Variants in NR6A1 observed in about 807,000 individuals in gnomAD.
NR6A1 encodes the protein nuclear receptor subfamily 6 group A member 1.
NR6A1 carries 7 observed loss-of-function variants against 59.1 expected under a neutral mutation model. The ratio of observed to expected loss-of-function variants is 0.12; its 90% confidence interval spans 0.07 to 0.22. The LOEUF (loss-of-function observed/expected upper bound fraction) is 0.22, where lower values mean the gene tolerates loss of function less well. Among genes scored for constraint, NR6A1 ranks in the 10% least tolerant of loss-of-function variants. The pLI is 1.00. For missense variants in NR6A1, 468 were observed against 611.6 expected (o/e 0.77, Z 2.48); for synonymous variants, 243 against 236.1 (o/e 1.03, Z -0.27).
intron 2 of NR6A1, among the ~76,000 whole-genome samples, chr9:124,557,609 C>T (rs571860472): frequency 6.6e-6 from 1 of 152,232 alleles, no homozygotes; most frequent in East Asian, 1.9e-4. Context: ...AAGGTAAACA[C>T]TACAGAAAAG....
intron 2 of NR6A1, chr9:124,693,921 C>G (rs1441487381): frequency 2.8e-6 from 1 of 357,038 alleles, no homozygotes; most frequent in East Asian, 8.1e-5. Flanking sequence ...TTGGTTCTAA[C>G]ATGGAGTAAG....
intron 2 of NR6A1, among the ~76,000 whole-genome samples, chr9:124,668,671 A>C (rs892776517): frequency 6.6e-6 from 1 of 152,230 alleles, no homozygotes; most frequent in Non-Finnish European, 1.5e-5. Context: ...CATATTTTCA[A>C]GTCATTAAAA....
At chr9:124,712,472 G>A (rs1355588897) in intron 2 of NR6A1, among the ~76,000 whole-genome samples, 1 of 151,996 alleles carries the variant, frequency 6.6e-6, no homozygotes, top group Non-Finnish European at 1.5e-5. Flanking sequence ...AGCCAGGTAG[G>A]TGACACACGC....
chr9:124,557,809 C>A (rs1319380960), intron 2 of NR6A1, among the ~76,000 whole-genome samples: 3 of 152,148 alleles, frequency 2.0e-5, no homozygotes, highest in Non-Finnish European at 4.4e-5. Flanking sequence ...AATTTTAAAA[C>A]CTTCAGTGTT....
rs71372980 is a variant in NR6A1 at position 124,630,670 on chromosome 9, CTTT to C, written c.143-76103_143-76101del. Among the ~76,000 whole-genome samples the C allele has an allele frequency of 7.1e-4, 42 of 59,514 alleles. No homozygotes were observed. In the South Asian group the frequency reaches 0.027, roughly 38 times the overall value. 39.0% of individuals were successfully genotyped at this position (59,514 alleles called of 152,430 possible). A position where few individuals can be genotyped will look rare whatever the true frequency, so the allele number is the denominator to read the frequency against. ...GACCCCTGGGCAAGTTACTACATTT[CTTT>C]TTTTTTTTTTTTTTTTTTTTTTGAG... On this transcript the variant is annotated intron_variant, in intron 2 of 9. Coordinates refer to ENST00000487099, the MANE Select transcript of NR6A1 (RefSeq NM_033334.4).
chr9:124,677,887 T>G (rs1372060581), intron 2 of NR6A1, among the ~76,000 whole-genome samples: 1 of 152,162 alleles, frequency 6.6e-6, no homozygotes, highest in Non-Finnish European at 1.5e-5. Context: ...CTATGTAACA[T>G]GCAAAAGACC....
chr9:124,642,064 G>C (rs992549629), intron 2 of NR6A1, among the ~76,000 whole-genome samples: 4 of 149,244 alleles, frequency 2.7e-5, no homozygotes, highest in African/African-American at 9.9e-5. Flanking sequence ...TTTTTCTTTT[G>C]AGACAGTCAA....
rs181163600 is a variant in NR6A1 at position 124,577,769 on chromosome 9, T to C, written c.143-23199A>G. 4.6e-5 allele frequency among the ~76,000 whole-genome samples: 7 copies of C among 152,272 alleles called. No homozygotes were observed. In the East Asian group the frequency reaches 7.7e-4, roughly 17 times the overall value. ...GTAAATTGATGGCTCATTGCAGAAA[T>C]TGGGAAAACTGGTGATCATCATCAG... On this transcript the variant is annotated intron_variant, in intron 2 of 9. Transcript: ENST00000487099.
At chr9:124,718,527 C>A (rs1839469476) in intron 2 of NR6A1, among the ~76,000 whole-genome samples, 1 of 152,154 alleles carries the variant, frequency 6.6e-6, no homozygotes, top group African/African-American at 2.4e-5. Flanking sequence ...AACCTATTGG[C>A]TCAATTTGGC....
chr9:124,642,310 A>G (rs1836789563), intron 2 of NR6A1, among the ~76,000 whole-genome samples: 1 of 152,202 alleles, frequency 6.6e-6, no homozygotes, highest in Admixed American at 6.5e-5. Flanking sequence ...TTGGCCTCCC[A>G]AAGTGCTGGG....
At chr9:124,769,632 C>A (rs1389923149) in intron 1 of NR6A1, among the ~76,000 whole-genome samples, 4 of 152,196 alleles carry the variant, frequency 2.6e-5, no homozygotes, top group African/African-American at 9.6e-5. Flanking sequence ...AGACACTGTT[C>A]GGTCCTAGAT....
rs565354217 is a variant in NR6A1 at position 124,718,380 on chromosome 9, C to T, written c.142+14928G>A. Among the ~76,000 whole-genome samples the T allele has an allele frequency of 1.1e-3, 175 of 152,332 alleles. 1 individual carries two copies. Among genetic ancestry groups the T allele is most frequent in the African/African-American group, 3.8e-3 (159 of 41,568 alleles). The stretch of plus-strand genomic sequence containing the variant: ...GGTTGCAAGTAGAAGCCTGAAAATG[C>T]TGTAGAAGTCTTTTACTTTATTCTC... On this transcript the variant is annotated intron_variant, in intron 2 of 9. Transcript: ENST00000487099.
At chr9:124,733,208 TAA>T in intron 2 of NR6A1, 98 bp downstream of exon 2, 1 of 844,584 alleles carries the variant, frequency 1.2e-6, no homozygotes, top group Non-Finnish European at 2.0e-6. Flanking sequence ...TGAGAGTCAA[TAA>T]AGTAAGGCTT....
chr9:124,692,788 T>C (rs993466088), intron 2 of NR6A1, among the ~76,000 whole-genome samples: 1 of 152,236 alleles, frequency 6.6e-6, no homozygotes, highest in Non-Finnish European at 1.5e-5. Context: ...TGTACCTACA[T>C]GTCTCCTAGA....
chr9:124,651,319 A>G (rs1237660809), intron 2 of NR6A1, among the ~76,000 whole-genome samples: 3 of 152,140 alleles, frequency 2.0e-5, no homozygotes, highest in Admixed American at 6.5e-5. Context: ...TCGGCCTCCC[A>G]AAGTGCTGGA....
Position 124,562,278 on chromosome 9 carries a change from G to C in NR6A1, c.143-7708C>G, listed in dbSNP as rs916347527. Among the ~76,000 whole-genome samples the C allele has an allele frequency of 2.6e-5, 4 of 152,306 alleles. 1 individual carries two copies. In the South Asian group the frequency reaches 6.2e-4, roughly 24 times the overall value. ...ATGTTTTACCCCTTTGTATGTAAAA[G>C]TCATGATCTGCCCACAATTTTATTC... is the stretch of plus-strand genomic sequence containing the variant. On this transcript the variant is annotated intron_variant, in intron 2 of 9. Transcript: ENST00000487099.
intron 2 of NR6A1, among the ~76,000 whole-genome samples, chr9:124,625,911 C>T (rs1588718904): frequency 6.6e-6 from 1 of 152,274 alleles, no homozygotes; most frequent in East Asian, 1.9e-4. Flanking sequence ...ACATTGGCTA[C>T]CGTAGGTGTC....
At chr9:124,770,365 A>T (rs987587800) in intron 1 of NR6A1, 2 of 146,010 alleles carry the variant, frequency 1.4e-5, no homozygotes, top group African/African-American at 5.1e-5. Context: ...CGACTGGGGG[A>T]TGTCTAGCGA....
chr9:124,755,355 C>T (rs1281014350), intron 1 of NR6A1, among the ~76,000 whole-genome samples: 1 of 152,154 alleles, frequency 6.6e-6, no homozygotes, highest in Admixed American at 6.5e-5. Flanking sequence ...ATTATGTTGG[C>T]TTCATTCACA....
Sources: gnomAD v4.1 joint callset for allele counts (sites outside exome capture counted in the v4.1 genomes callset) on GRCh38, gnomAD v4.1.1 for gene constraint, MANE v1.5 for transcripts, NCBI Gene and HGNC (gene_info 2026-07-23, HGNC 2026-07-21) for gene names.